Variants in IRAG1 observed in about 807,000 individuals in gnomAD.
The protein encoded by IRAG1 is IP3R-associated cGMP kinase substrate.
In IRAG1, 62 loss-of-function variants were observed where a neutral mutation model predicts 106.2. That is an observed-to-expected ratio of 0.58 (90% CI 0.48 to 0.72). The LOEUF (loss-of-function observed/expected upper bound fraction) is 0.72. IRAG1 is among the 30% of genes least tolerant of loss of function. The probability of loss-of-function intolerance (pLI) is 0.00; values close to 1 mark genes in which losing one functional copy is unlikely to be tolerated. For missense variants in IRAG1, 1,064 were observed against 1,140.7 expected (o/e 0.93, Z 0.97); for synonymous variants, 462 against 443.9 (o/e 1.04, Z -0.51).
In IRAG1 at chr11:10,632,671, G is replaced by A. The variant is rs77022603; in HGVS notation, c.330-610C>T. Among the ~76,000 whole-genome samples the A allele has an allele frequency of 5.3e-5, 8 of 152,256 alleles. No homozygotes were observed. The East Asian group carries it at 1.4e-3, about 26-fold the overall frequency. ...ACAGCTCTCCAGGTGATTCTGACGC[G>A]TGCTAAAGTTTTCCAACCACTGCCC... On this transcript the variant is annotated intron_variant, in intron 3 of 20. Coordinates refer to ENST00000423302, the MANE Select transcript of IRAG1 (RefSeq NM_130385.4).
At chr11:10,577,075 G>C (rs1189390703) in intron 20 of IRAG1, among the ~76,000 whole-genome samples, 1 of 152,166 alleles carries the variant, frequency 6.6e-6, no homozygotes, top group Non-Finnish European at 1.5e-5. Context: ...ACTGTGTCCA[G>C]AGTAGAAGGA....
chr11:10,589,033 G>C (rs1180036621), intron 18 of IRAG1: 1 of 152,170 alleles, frequency 6.6e-6, no homozygotes, highest in Non-Finnish European at 1.5e-5. Context: ...CTAGGCCCTT[G>C]GTGAGTGAAG....
chr11:10,625,949 G>A lies in IRAG1; in HGVS notation c.1368+17C>T. On this transcript the variant is annotated intron_variant, in intron 9 of 20. Transcript: ENST00000423302. The stretch of plus-strand genomic sequence containing the variant: ...CCTGGAGTACACACTCTGCCCAACT[G>A]GCCCCCAGGAACCCACCTCTCGGAG... 1.4e-6 allele frequency: 2 copies of A among 1,458,516 alleles called. No individual in the cohort carries two copies. The highest frequency in any genetic ancestry group is 1.6e-5 in the South Asian group (1 of 61,722). The allele number at this position is 1,458,516 out of a possible 1,614,324, so 90.3% of individuals were successfully genotyped here.
intron 1 of IRAG1, 190 bp from the exon 2 acceptor site, chr11:10,652,372 A>T: frequency 2.1e-6 from 3 of 1,415,798 alleles, no homozygotes; most frequent in Middle Eastern, 2.0e-4. Flanking sequence ...TTACAAAGTC[A>T]GAGGTGACCT....
chr11:10,660,094 A>T (rs1205561570), intron 1 of IRAG1, among the ~76,000 whole-genome samples: 2 of 152,170 alleles, frequency 1.3e-5, no homozygotes, highest in Non-Finnish European at 2.9e-5. Flanking sequence ...TAAGCCTGAG[A>T]AGTAGGTGGA....
chr11:10,627,964 T>A lies in IRAG1; in HGVS notation c.705+9A>T, dbSNP rs558284982. The stretch of plus-strand genomic sequence containing the variant: ...TAGAAACAGCACAGCAGGTGGGGGG[T>A]CCTGTCACCTGTGGTGGTGCTCCAG... On this transcript the variant is annotated intron_variant, in intron 7 of 20. Coordinates refer to ENST00000423302, the MANE Select transcript of IRAG1 (RefSeq NM_130385.4). The A allele has an allele frequency of 2.5e-6, 4 of 1,600,514 alleles. No individual in the cohort carries two copies. In the Admixed American group the frequency reaches 6.7e-5, roughly 27 times the overall value.
At chr11:10,668,856 T>G (rs1401520104) in intron 1 of IRAG1, among the ~76,000 whole-genome samples, 1 of 152,204 alleles carries the variant, frequency 6.6e-6, no homozygotes, top group Non-Finnish European at 1.5e-5. Flanking sequence ...ACACATCTCC[T>G]GAAAGCCCTG....
chr11:10,615,997 C>T (rs12574718), intron 10 of IRAG1, among the ~76,000 whole-genome samples: 52,005 of 129,644 alleles, frequency 0.4, 6,942 homozygotes, highest in African/African-American at 0.48. Flanking sequence ...TAATATACTA[C>T]GATTTATGTT....
intron 20 of IRAG1, among the ~76,000 whole-genome samples, chr11:10,578,828 G>C (rs185944187): frequency 1.5e-3 from 229 of 148,068 alleles, no homozygotes; most frequent in Non-Finnish European, 2.9e-3. Context: ...AAACCAGACT[G>C]TTTATATTCC....
intron 10 of IRAG1, among the ~76,000 whole-genome samples, chr11:10,622,298 G>A (rs756661079): frequency 2.8e-4 from 42 of 152,230 alleles, no homozygotes; most frequent in Admixed American, 1.4e-3. Flanking sequence ...GGGAGATGCC[G>A]CGGGGACAGA....
chr11:10,669,387 G>C (rs2135091373), intron 1 of IRAG1, among the ~76,000 whole-genome samples: 1 of 152,216 alleles, frequency 6.6e-6, no homozygotes, highest in East Asian at 1.9e-4. Flanking sequence ...CCAGAGGGAT[G>C]AACCAACTCA....
chr11:10,621,998 G>C (rs972385091), intron 10 of IRAG1, among the ~76,000 whole-genome samples: 1 of 152,096 alleles, frequency 6.6e-6, no homozygotes, highest in Admixed American at 6.6e-5. Context: ...ATTTCAGTTT[G>C]CAATGATGAA....
intron 10 of IRAG1, among the ~76,000 whole-genome samples, chr11:10,612,580 A>G (rs986342036): frequency 2.0e-5 from 3 of 152,110 alleles, no homozygotes; most frequent in African/African-American, 7.2e-5. Flanking sequence ...TCAAGGTAGA[A>G]ATATACAAAT....
intron 18 of IRAG1, among the ~76,000 whole-genome samples, chr11:10,586,713 T>C (rs1852047083): frequency 6.6e-6 from 1 of 152,164 alleles, no homozygotes; most frequent in Non-Finnish European, 1.5e-5. Flanking sequence ...CCACCGCACC[T>C]GGCCCTCTCT....
At chr11:10,682,085 T>C (rs771028848) in intron 1 of IRAG1, among the ~76,000 whole-genome samples, 7 of 152,186 alleles carry the variant, frequency 4.6e-5, no homozygotes, top group Non-Finnish European at 8.8e-5. Flanking sequence ...AAAGTCTCCA[T>C]TTTCTCATCA....
At chr11:10,650,690 A>T (rs1858409046) in intron 2 of IRAG1, among the ~76,000 whole-genome samples, 2 of 152,184 alleles carry the variant, frequency 1.3e-5, no homozygotes, top group African/African-American at 4.8e-5. Flanking sequence ...TGGCACCCTC[A>T]GCAGCAGGAC....
chr11:10,592,378 C>A (rs1469130380), intron 17 of IRAG1, among the ~76,000 whole-genome samples: 1 of 152,208 alleles, frequency 6.6e-6, no homozygotes, highest in Non-Finnish European at 1.5e-5. Flanking sequence ...TTAAAATACA[C>A]TAACCAGTCC....
intron 2 of IRAG1, among the ~76,000 whole-genome samples, chr11:10,637,677 C>T (rs1017340067): frequency 1.3e-5 from 2 of 151,996 alleles, no homozygotes; most frequent in African/African-American, 4.8e-5. Context: ...GCCAGTTTTT[C>T]CCATCTTTTG....
chr11:10,685,446 G>A (rs1161806619), intron 1 of IRAG1, among the ~76,000 whole-genome samples: 1 of 149,072 alleles, frequency 6.7e-6, no homozygotes, highest in African/African-American at 2.5e-5. Flanking sequence ...TAAAAGAATT[G>A]TATACTTTAG....
Sources: gnomAD v4.1 joint callset for allele counts (sites outside exome capture counted in the v4.1 genomes callset) on GRCh38, gnomAD v4.1.1 for gene constraint, MANE v1.5 for transcripts, NCBI Gene and HGNC (gene_info 2026-07-23, HGNC 2026-07-21) for gene names.